Variants in NIN observed in about 807,000 individuals in gnomAD.
NIN encodes the protein ninein.
In NIN, 137 loss-of-function variants were observed where a neutral mutation model predicts 257.6. That is an observed-to-expected ratio of 0.53 (90% confidence interval 0.46 to 0.61). The LOEUF (loss-of-function observed/expected upper bound fraction) is 0.61, where lower values mean the gene tolerates loss of function less well. Among genes scored for constraint, NIN ranks in the 20% least tolerant of loss-of-function variants. NIN has a pLI of 0.00. For synonymous variants in NIN, 918 were observed against 919.8 expected (o/e 1.00, Z 0.04); for missense variants, 2,439 against 2,501.2 (o/e 0.98, Z 0.53).
chr14:50,726,351 C>G (rs2040412726), intron 29 of NIN: 2 of 319,738 alleles, frequency 6.3e-6, no homozygotes, highest in Admixed American at 8.9e-5. Context: ...AATTTAATAC[C>G]TGTGAGTACC....
At chr14:50,760,418 A>C in intron 16 of NIN, 59 bp from the exon 17 acceptor site, 1 of 1,095,922 alleles carries the variant, frequency 9.1e-7, no homozygotes, top group Non-Finnish European at 1.3e-6. Context: ...CTGAAAGTGA[A>C]GTGATGGAGC....
intron 3 of NIN, among the ~76,000 whole-genome samples, chr14:50,810,395 A>C (rs370157653): frequency 5.9e-5 from 9 of 152,194 alleles, no homozygotes; most frequent in Admixed American, 2.6e-4. Flanking sequence ...TACAAGGAGT[A>C]ATTATTAACA....
chr14:50,723,584 T>C lies in NIN; in HGVS notation c.6281A>G (p.Gln2094Arg). ...TTTCTTCTCTGCTGTTTTCTGTCGCTGTTCAGTCACTTCCAGAGCTTTCAA... is the reference window on the plus strand; with the variant it reads ...TTTCTTCTCTGCTGTTTTCTGTCGCCGTTCAGTCACTTCCAGAGCTTTCAA... The part of the protein sequence containing the change: ...QLLKALEVTE[Q>R]RQKTAEKKNY... Residue 2094 changes from glutamine to arginine, a missense_variant, in exon 31 of 31, where the codon CAG becomes CGG. By Grantham distance (43) the Gln-to-Arg change is conservative. Transcript: ENST00000530997. The C allele has an allele frequency of 6.2e-7, 1 of 1,613,980 alleles. No homozygotes were observed. The highest frequency in any genetic ancestry group is 8.5e-7 in the Non-Finnish European group (1 of 1,179,870).
At chr14:50,765,091 AATTAG>A (rs1176972516) in intron 14 of NIN, among the ~76,000 whole-genome samples, 4 of 145,248 alleles carry the variant, frequency 2.8e-5, no homozygotes, top group Non-Finnish European at 4.5e-5. Flanking sequence ...AAAAAAAAAA[AATTAG>A]GCGTTTGGCA....
chr14:50,741,777 C>G, intron 24 of NIN, 49 bp from the exon 25 acceptor site: 1 of 1,578,474 alleles, frequency 6.3e-7, no homozygotes, highest in Middle Eastern at 1.7e-4. Flanking sequence ...CTTGTGGTCT[C>G]ACCTCTAGCA....
intron 4 of NIN, among the ~76,000 whole-genome samples, chr14:50,794,820 G>C (rs1031750448): frequency 1.3e-5 from 2 of 149,902 alleles, no homozygotes; most frequent in African/African-American, 2.4e-5. Context: ...AATCCATTGT[G>C]ATCTAATCCC....
intron 28 of NIN, chr14:50,730,932 C>G: frequency 7.4e-7 from 1 of 1,347,116 alleles, no homozygotes; most frequent in Non-Finnish European, 9.8e-7. Context: ...CCTTCACACA[C>G]TATCTCAGGC....
intron 2 of NIN, among the ~76,000 whole-genome samples, chr14:50,829,444 G>A (rs1028296355): frequency 2.0e-5 from 3 of 152,162 alleles, no homozygotes; most frequent in Non-Finnish European, 2.9e-5. Context: ...TGGTGTTTAC[G>A]GGGACCTAAC....
At chr14:50,758,702 A>G in intron 17 of NIN, 72 bp from the exon 18 acceptor site, 2 of 1,398,054 alleles carry the variant, frequency 1.4e-6, no homozygotes, top group Non-Finnish European at 1.9e-6. Flanking sequence ...CCATTTTCCC[A>G]TGCACTGAGA....
intron 20 of NIN, 150 bp downstream of exon 20, chr14:50,754,413 G>A: frequency 1.5e-6 from 1 of 647,000 alleles, no homozygotes; most frequent in Non-Finnish European, 2.6e-6. Flanking sequence ...GTCAGTATGA[G>A]GTAAGTTTCC....
At chr14:50,775,748 A>C (rs2141853827) in intron 7 of NIN, among the ~76,000 whole-genome samples, 1 of 152,318 alleles carries the variant, frequency 6.6e-6, no homozygotes, top group African/African-American at 2.4e-5. Context: ...TTTTAGATAA[A>C]TAATCCAAGT....
At chr14:50,779,751 C>T (rs1244527066) in intron 5 of NIN, among the ~76,000 whole-genome samples, 1 of 150,334 alleles carries the variant, frequency 6.7e-6, no homozygotes, top group Non-Finnish European at 1.5e-5. Flanking sequence ...GAGCGAGACT[C>T]CGTCTCAAAA....
chr14:50,792,326 A>G (rs1212898314), intron 5 of NIN: 1 of 173,652 alleles, frequency 5.8e-6, no homozygotes, highest in Non-Finnish European at 1.2e-5. Context: ...CCTGCTACAG[A>G]TGCTGTTTTA....
At chr14:50,788,059 A>G (rs2043421466) in intron 5 of NIN, among the ~76,000 whole-genome samples, 1 of 152,232 alleles carries the variant, frequency 6.6e-6, no homozygotes, top group Admixed American at 6.5e-5. Flanking sequence ...TATCCTGAAG[A>G]CATCATAGAT....
Position 50,766,315 on chromosome 14 carries a change from G to A in NIN, c.1627C>T (p.Gln543Ter). Residue 543 changes from glutamine (Q) to a stop codon, truncating the protein, a stop_gained, in exon 14 of 31, where the codon CAG becomes TAG. Coordinates refer to ENST00000530997, the MANE Select transcript of NIN (RefSeq NM_020921.4). LOFTEE classifies it high-confidence loss of function. ...TCTCTTTGTCTACCTACCCTGCACT[G>A]CCGCTCATATTCATTTCTCATCTGT... ...LTQMRNEYER[Q>*]CRVLQDQVDE... 1 of 1,613,552 alleles carries A rather than the reference G, an allele frequency of 6.2e-7. No homozygotes were observed. Among genetic ancestry groups the A allele is most frequent in the Non-Finnish European group, 8.5e-7 (1 of 1,179,500 alleles).
intron 18 of NIN, 91 bp from the exon 19 acceptor site, chr14:50,754,958 T>C (rs1212953567): frequency 2.5e-6 from 2 of 806,176 alleles, no homozygotes; most frequent in Non-Finnish European, 3.9e-6. Flanking sequence ...AGGATGAGTA[T>C]TCAATGCCAG....
At position 50,820,301 on chromosome 14, in the gene NIN, CA is replaced by C. The variant is rs145287822; in HGVS notation, c.183+1572del. On this transcript the variant is annotated intron_variant, in intron 3 of 30. Coordinates refer to ENST00000530997, the MANE Select transcript of NIN (RefSeq NM_020921.4). ...ATAACTGCTCCCTGTTTGAGTCTAC[CA>C]AATGAGGGCAAAGATGTGCAACATC... 6.5e-3 allele frequency among the ~76,000 whole-genome samples: 994 copies of C among 152,296 alleles called. 15 individuals are homozygous for C. Among genetic ancestry groups the C allele is most frequent in the African/African-American group, 0.023 (949 of 41,556 alleles).
intron 4 of NIN, among the ~76,000 whole-genome samples, chr14:50,797,767 A>C (rs2043905911): frequency 6.6e-6 from 1 of 152,252 alleles, no homozygotes; most frequent in East Asian, 1.9e-4. Flanking sequence ...ACAGAGAGAC[A>C]GATATGGAGA....
chr14:50,754,631 G>C lies in NIN; in HGVS notation c.4666C>G (p.Gln1556Glu). 1 of 1,607,130 alleles carries C rather than the reference G, an allele frequency of 6.2e-7. No individual in the cohort carries two copies. Among genetic ancestry groups the C allele is most frequent in the Non-Finnish European group, 8.5e-7 (1 of 1,177,430 alleles). Residue 1556 changes from glutamine (Q) to glutamate (E), a missense_variant and splice_region_variant, in exon 20 of 31, where the codon CAA becomes GAA. Gln to Glu is a conservative substitution (Grantham distance 29, BLOSUM62 2). Coordinates refer to ENST00000530997, the MANE Select transcript of NIN (RefSeq NM_020921.4). ...TLNGSQEEMW[Q>E]KTETVKQENA... ...TCTTGTTTTACAGTTTCCGTTTTTT[G>C]CCTAAAAGGAATGATGAAAATAAAA...
Sources: allele counts gnomAD v4.1 joint callset (sites outside exome capture counted in the v4.1 genomes callset), GRCh38; gene constraint gnomAD v4.1.1; transcripts MANE v1.5; gene names NCBI Gene and HGNC (gene_info 2026-07-23, HGNC 2026-07-21).